Variants in MYOM1 observed in about 807,000 individuals in gnomAD.
MYOM1 encodes the protein myomesin 1, also known as myomesin-1.
A neutral mutation model predicts 205.3 loss-of-function variants in MYOM1; 164 were observed. The ratio of observed to expected loss-of-function variants is 0.80; its 90% CI spans 0.70 to 0.91. MYOM1 has a LOEUF of 0.91. MYOM1 is among the 40% of genes least tolerant of loss of function. The probability of loss-of-function intolerance (pLI) is 0.00; values close to 1 mark genes in which losing one functional copy is unlikely to be tolerated. For missense variants in MYOM1, 2,011 were observed against 2,127.3 expected, an observed-to-expected ratio of 0.95 and a Z score of 1.08; for synonymous variants, 772 against 789.4, an observed-to-expected ratio of 0.98 and a Z score of 0.37.
At chr18:3,151,606 G>A in intron 12 of MYOM1, 88 bp downstream of exon 12, 10 of 1,200,798 alleles carry the variant, frequency 8.3e-6, no homozygotes, top group Non-Finnish European at 1.2e-5. Flanking sequence ...TCTAGTGGAA[G>A]GGAGAGAAAC....
Position 3,079,256 on chromosome 18 carries a change from T to C in MYOM1, c.4571A>G (p.Asn1524Ser), listed in dbSNP as rs761762451. 8.7e-6 allele frequency: 14 copies of C among 1,613,866 alleles called. No individual in the cohort carries two copies. Among genetic ancestry groups the C allele is most frequent in the African/African-American group, 1.3e-5 (1 of 74,930 alleles). Residue 1524 changes from asparagine to serine, a missense_variant, in exon 34 of 38, where the codon AAT becomes AGT. Physicochemically the swap from Asn to Ser is conservative, Grantham distance 46. Coordinates refer to ENST00000356443, the MANE Select transcript of MYOM1 (RefSeq NM_003803.4). ...CTCCATGACATACTTCCCTTTGTCATTCGGGGTGGGCTCGTTGATTTGTAG... is the reference window on the plus strand; with the variant it reads ...CTCCATGACATACTTCCCTTTGTCACTCGGGGTGGGCTCGTTGATTTGTAG... ...IWLQINEPTP[N>S]DKGKYVMELF...
At chr18:3,088,326 G>A (rs2079180255) in intron 29 of MYOM1, among the ~76,000 whole-genome samples, 1 of 152,306 alleles carries the variant, frequency 6.6e-6, no homozygotes, top group Admixed American at 6.5e-5. Context: ...GAGAAGGTGA[G>A]GGCTTCAGCT....
chr18:3,155,040 T>G lies in MYOM1; in HGVS notation c.1550A>C (p.Lys517Thr). The G allele has an allele frequency of 6.2e-7, 1 of 1,613,486 alleles. No homozygotes were observed. Among genetic ancestry groups the G allele is most frequent in the South Asian group, 1.1e-5 (1 of 90,904 alleles). ...ATAATCTTTGTTGGCCTCCAAGCAC[T>G]TCACATCCAAGGGAGCAGCTGGGGC... ...EGAPAAPLDV[K>T]CLEANKDYII... Residue 517 changes from lysine (K) to threonine (T), a missense_variant, in exon 11 of 38, where the codon AAG becomes ACG. Physicochemically the swap from Lys to Thr is moderately conservative, Grantham distance 78 (BLOSUM62 -1). Coordinates refer to ENST00000356443, the MANE Select transcript of MYOM1 (RefSeq NM_003803.4).
chr18:3,221,662 C>T (rs894565), upstream of MYOM1, among the ~76,000 whole-genome samples: 13,802 of 152,258 alleles, frequency 0.091, 715 homozygotes, highest in African/African-American at 0.14. Context: ...AGAAACTAGA[C>T]ATTTTGAAAT....
At chr18:3,090,442 A>T (rs916354828) in intron 27 of MYOM1, among the ~76,000 whole-genome samples, 6 of 151,798 alleles carry the variant, frequency 4.0e-5, no homozygotes, top group Non-Finnish European at 7.4e-5. Flanking sequence ...CTGGTCTTAA[A>T]CTCTTGACCT....
rs771865985 is a variant in MYOM1 at position 3,086,133 on chromosome 18, CCTT to C, written c.4153_4155del (p.Lys1385del). ...TCTTTGTACCACACAATATGAGTCT[CCTT>C]CTTAATATTTGCCACCTAGGAGAAA... On this transcript the variant is annotated inframe_deletion, in exon 30 of 38. Coordinates refer to ENST00000356443, the MANE Select transcript of MYOM1 (RefSeq NM_003803.4). 3 of 1,599,494 alleles carry C rather than the reference CCTT, an allele frequency of 1.9e-6. No individual in the cohort carries two copies. The highest frequency in any genetic ancestry group is 1.1e-5 in the South Asian group (1 of 87,760).
Position 3,089,699 on chromosome 18 carries a change from T to C in MYOM1, c.4010-103A>G, listed in dbSNP as rs943657733. On this transcript the variant is annotated intron_variant, in intron 27 of 37. Coordinates refer to ENST00000356443, the MANE Select transcript of MYOM1 (RefSeq NM_003803.4). Reference sequence around the variant, plus strand: ...TTTATATTCATTATTGTAACACTCATACATTGTGACAACCCTGCTCATTTT... The same window carrying C: ...TTTATATTCATTATTGTAACACTCACACATTGTGACAACCCTGCTCATTTT... 5 of 818,982 alleles carry C rather than the reference T, an allele frequency of 6.1e-6. No homozygotes were observed. In the African/African-American group the frequency reaches 8.7e-5, roughly 14 times the overall value. 50.7% of individuals were successfully genotyped at this position (818,982 alleles called of 1,614,324 possible). A position where few individuals can be genotyped will look rare whatever the true frequency, so the allele number is the denominator to read the frequency against.
intron 16 of MYOM1, 73 bp downstream of exon 16, chr18:3,134,577 G>T (rs1333551908): frequency 2.8e-6 from 4 of 1,450,526 alleles, no homozygotes; most frequent in Non-Finnish European, 3.7e-6. Context: ...TCCTCCATTG[G>T]ATGTCTGTGT....
rs375537710 is a variant in MYOM1, at chr18:3,093,528, A to T, written c.3864+642T>A. On this transcript the variant is annotated intron_variant, in intron 26 of 37. Coordinates refer to ENST00000356443, the MANE Select transcript of MYOM1 (RefSeq NM_003803.4). ...CACAGAGAAGCATAGAAAAAAGTCT[A>T]AAAAAGTATATACCAATATGTACAT... 3.9e-5 allele frequency: 6 copies of T among 152,226 alleles called. No individual in the cohort carries two copies. In the South Asian group the frequency reaches 6.2e-4, roughly 16 times the overall value. 9.4% of individuals were successfully genotyped at this position (152,226 alleles called of 1,614,324 possible).
intron 22 of MYOM1, among the ~76,000 whole-genome samples, chr18:3,103,448 A>C (rs1310879564): frequency 1.3e-5 from 2 of 152,234 alleles, no homozygotes; most frequent in Non-Finnish European, 2.9e-5. Flanking sequence ...CCTAATAGAG[A>C]ATTCAAGGAG....
intron 19 of MYOM1, among the ~76,000 whole-genome samples, chr18:3,120,993 A>C (rs1159623147): frequency 6.6e-6 from 1 of 152,234 alleles, no homozygotes; most frequent in African/African-American, 2.4e-5. Flanking sequence ...GAAAAAAATA[A>C]CAGACATTTT....
chr18:3,144,146 C>A (rs1393670138), intron 13 of MYOM1, among the ~76,000 whole-genome samples: 1 of 152,012 alleles, frequency 6.6e-6, no homozygotes, highest in Non-Finnish European at 1.5e-5. Flanking sequence ...GCGGAGCTTG[C>A]AGTGAGCCGA....
chr18:3,083,649 T>C (rs2079115296), intron 33 of MYOM1, 140 bp downstream of exon 33: 1 of 520,776 alleles, frequency 1.9e-6, no homozygotes, highest in Non-Finnish European at 3.4e-6. Context: ...TTTCACCATG[T>C]TGGCCAGGCT....
chr18:3,174,247 C>A, intron 6 of MYOM1, 39 bp from the exon 7 acceptor site: 1 of 1,560,336 alleles, frequency 6.4e-7, no homozygotes, highest in Non-Finnish European at 8.8e-7. Flanking sequence ...ATCGTAGTGA[C>A]AATCCTTGTA....
chr18:3,185,464 A>G (rs548979915), intron 5 of MYOM1, among the ~76,000 whole-genome samples: 1 of 152,324 alleles, frequency 6.6e-6, no homozygotes, highest in East Asian at 1.9e-4. Context: ...GAAAGAAGAA[A>G]TATTTTTACT....
At chr18:3,151,473 T>TAAATAAAATAAAATA (rs71159050) in intron 12 of MYOM1, among the ~76,000 whole-genome samples, 2 of 143,988 alleles carry the variant, frequency 1.4e-5, no homozygotes, top group South Asian at 2.1e-4. Flanking sequence ...TAAAATAAAA[T>TAAATAAAATAAAATA]AAATAAAATA....
chr18:3,148,333 T>C (rs902100130), intron 13 of MYOM1, among the ~76,000 whole-genome samples: 3 of 152,324 alleles, frequency 2.0e-5, no homozygotes, highest in South Asian at 2.1e-4. Context: ...TTGGAACGAA[T>C]TGATACACAC....
intron 25 of MYOM1, among the ~76,000 whole-genome samples, chr18:3,097,914 T>C (rs1005092411): frequency 6.6e-6 from 1 of 152,210 alleles, no homozygotes; most frequent in Non-Finnish European, 1.5e-5. Context: ...TCTCTCCAAG[T>C]CCATATGAAC....
At position 3,100,166 on chromosome 18, in the gene MYOM1, C is replaced by T; in HGVS notation, c.3720G>A (p.Lys1240=). ...TGTATTGTGGATACTTACTTGGGAA[C>T]TTGTGTTCATGGCTGAGAGCAAGTA... ...KRLLALSHEH[K]FPTVPVKSEL... is the part of the protein sequence containing the mutation. The change falls in exon 25 of 38, where the codon AAG becomes AAA. Residue 1240 remains lysine, a synonymous_variant. Transcript: ENST00000356443. The T allele has an allele frequency of 6.2e-7, 1 of 1,613,828 alleles. No individual in the cohort carries two copies. Among genetic ancestry groups the T allele is most frequent in the Non-Finnish European group, 8.5e-7 (1 of 1,179,852 alleles).
Sources: gnomAD v4.1 joint callset for allele counts (sites outside exome capture counted in the v4.1 genomes callset) on GRCh38, gnomAD v4.1.1 for gene constraint, MANE v1.5 for transcripts, NCBI Gene and HGNC (gene_info 2026-07-23, HGNC 2026-07-21) for gene names.